Variants in GRIP2 observed in about 807,000 individuals in gnomAD.
GRIP2 encodes glutamate receptor interacting protein 2.
GRIP2 carries 58 observed loss-of-function variants against 108.3 expected under a neutral mutation model. The observed-to-expected ratio is 0.54, with a 90% CI of 0.43 to 0.67. The LOEUF is 0.67. Ranked by LOEUF, GRIP2 falls within the 30% of genes least tolerant of loss-of-function variation. GRIP2 has a pLI of 0.00. For synonymous variants in GRIP2, 586 were observed against 598.2 expected (o/e 0.98, Z 0.30); for missense variants, 1,278 against 1,430.6 (o/e 0.89, Z 1.72).
the GRIP2 span, among the ~76,000 whole-genome samples, chr3:14,579,941 G>A: frequency 2.0e-5 from 3 of 152,204 alleles, no homozygotes; most frequent in Admixed American, 6.5e-5. Flanking sequence ...GGTGCCATAC[G>A]GGGTGGGGTG....
In GRIP2 at chr3:14,512,741, G is replaced by A. The variant is rs376938465; in HGVS notation, c.1720+36C>T. The A allele has an allele frequency of 3.4e-4, 547 of 1,589,652 alleles. 2 individuals carry two copies. The highest frequency in any genetic ancestry group is 6.2e-4 in the South Asian group (56 of 90,412). ...CTCTTTTTCCCCAGCAGTTGAGCTC[G>A]CTCCCAGGGGCAAACAGCAGCGGGA... On this transcript the variant is annotated intron_variant, in intron 14 of 23. Transcript: ENST00000621039. The surrounding 1 kb of genome is among the most constrained non-coding windows in gnomAD (Gnocchi z 5.1).
chr3:14,515,876 C>T (rs1242674229), intron 11 of GRIP2, among the ~76,000 whole-genome samples: 1 of 151,946 alleles, frequency 6.6e-6, no homozygotes, highest in African/African-American at 2.4e-5. Context: ...AGTGATCTGC[C>T]CACCTCGGCC....
At chr3:14,579,139 G>A in the GRIP2 span, among the ~76,000 whole-genome samples, 8 of 152,110 alleles carry the variant, frequency 5.3e-5, no homozygotes, top group Non-Finnish European at 1.0e-4. Context: ...GCACTGACAC[G>A]TGCAACTACA....
intron 11 of GRIP2, 110 bp from the exon 12 acceptor site, chr3:14,514,588 G>A (rs1452047322): frequency 2.6e-6 from 3 of 1,143,046 alleles, no homozygotes; most frequent in South Asian, 1.6e-5. Context: ...GCAAGGAAGT[G>A]GGAGCCCTGA....
Position 14,504,616 on chromosome 3 carries a change from T to A in GRIP2, c.2574-945A>T, listed in dbSNP as rs1051224716. ...TGAGCCACTGCACCCTGCCAGCACT[T>A]GCTCTTTTACAGGGGCACGCAAGCT... On this transcript the variant is annotated intron_variant, in intron 20 of 23. Coordinates refer to ENST00000621039, the MANE Select transcript of GRIP2 (RefSeq NM_001080423.4). Among the ~76,000 whole-genome samples, 5 of 152,184 alleles carry A rather than the reference T, an allele frequency of 3.3e-5. No individual in the cohort carries two copies. The East Asian group carries it at 7.7e-4, about 23-fold the overall frequency.
the GRIP2 span, among the ~76,000 whole-genome samples, chr3:14,597,175 T>TA: frequency 2.6e-5 from 4 of 152,242 alleles, no homozygotes; most frequent in Non-Finnish European, 4.4e-5. Context: ...CCTGAGACCT[T>TA]ACTGTAAGTA....
At chr3:14,578,071 G>A in the GRIP2 span, among the ~76,000 whole-genome samples, 7 of 152,346 alleles carry the variant, frequency 4.6e-5, 1 homozygote, top group African/African-American at 9.6e-5. Flanking sequence ...GCAGACTCTC[G>A]TTGCCCTTCT....
chr3:14,523,097 G>A, intron 5 of GRIP2, 22 bp from the exon 6 acceptor site: 1 of 1,573,100 alleles, frequency 6.4e-7, no homozygotes, highest in Non-Finnish European at 8.7e-7. Context: ...TTGACAAGAA[G>A]CAGGAATCAT....
upstream of GRIP2, among the ~76,000 whole-genome samples, chr3:14,560,627 G>C (rs909714589): frequency 6.6e-6 from 1 of 152,224 alleles, no homozygotes; most frequent in African/African-American, 2.4e-5. Flanking sequence ...TGTCAGTCAG[G>C]CTGCTGGCGG....
At chr3:14,527,043 CG>C (rs1306679300) in intron 1 of GRIP2, among the ~76,000 whole-genome samples, 1 of 152,018 alleles carries the variant, frequency 6.6e-6, no homozygotes, top group African/African-American at 2.4e-5. Flanking sequence ...AAAAATTGGC[CG>C]GGCATGGTGG....
Position 14,503,929 on chromosome 3 carries a change from G to C in GRIP2, c.2574-258C>G, listed in dbSNP as rs527521773. 32 of 506,198 alleles carry C rather than the reference G, an allele frequency of 6.3e-5. No individual in the cohort carries two copies. In the Middle Eastern group the frequency reaches 1.6e-3, roughly 25 times the overall value. The allele number at this position is 506,198 out of a possible 1,614,324, so 31.4% of individuals were successfully genotyped here. A position where few individuals can be genotyped will look rare whatever the true frequency, so the allele number is the denominator to read the frequency against. On this transcript the variant is annotated intron_variant, in intron 20 of 23. Transcript: ENST00000621039. ...GTTAGAACAGGGGCAGATGAGACGG[G>C]GTGGAGAGCGGTGACACAGGATGCC...
the GRIP2 span, among the ~76,000 whole-genome samples, chr3:14,586,438 C>T: frequency 6.6e-6 from 1 of 152,208 alleles, no homozygotes; most frequent in African/African-American, 2.4e-5. Context: ...GGGCTGGGTG[C>T]CAGGGCCAGG....
chr3:14,564,346 C>T, the GRIP2 span, among the ~76,000 whole-genome samples: 46 of 152,326 alleles, frequency 3.0e-4, no homozygotes, highest in Non-Finnish European at 5.1e-4. Context: ...TCGTGTGCCA[C>T]GGGGCAGCAG....
chr3:14,507,645 T>C lies in GRIP2; in HGVS notation c.2134A>G (p.Lys712Glu), dbSNP rs1433696131. ...ATGGCCTCGCTCAGCGGCCGGCCCTTGAGGCTAACGTTGTTGATGGCCAGA... is the reference window on the plus strand; with the variant it reads ...ATGGCCTCGCTCAGCGGCCGGCCCTCGAGGCTAACGTTGTTGATGGCCAGA... ...RILAINNVSL[K>E]GRPLSEAIHL... Residue 712 changes from lysine to glutamate, a missense_variant, in exon 18 of 24, where the codon AAG (lysine) becomes GAG (glutamate). Lys to Glu is a moderately conservative substitution (Grantham distance 56, BLOSUM62 1). Transcript: ENST00000621039. This position sits in a 1 kb window ranked among gnomAD's most constrained non-coding sequence, Gnocchi z 4.6. The C allele has an allele frequency of 1.9e-6, 3 of 1,613,852 alleles. No homozygotes were observed. Among genetic ancestry groups the C allele is most frequent in the Non-Finnish European group, 2.5e-6 (3 of 1,179,880 alleles).
chr3:14,592,285 C>T, the GRIP2 span, among the ~76,000 whole-genome samples: 1 of 152,174 alleles, frequency 6.6e-6, no homozygotes, highest in Admixed American at 6.5e-5. Context: ...GCTGATGATC[C>T]ATGGGGCCTT....
chr3:14,590,804 A>C, the GRIP2 span, among the ~76,000 whole-genome samples: 2 of 152,348 alleles, frequency 1.3e-5, no homozygotes, highest in East Asian at 3.9e-4. Context: ...CTGGGTGGAG[A>C]GTACCACAAT....
At chr3:14,602,474 G>A in the GRIP2 span, among the ~76,000 whole-genome samples, 7 of 151,906 alleles carry the variant, frequency 4.6e-5, no homozygotes, top group Non-Finnish European at 8.8e-5. The surrounding 1 kb of genome is among the most constrained non-coding windows in gnomAD (Gnocchi z 4.7). Context: ...GGGGCCAAAG[G>A]ACCCCCACCG....
At chr3:14,580,618 A>C in the GRIP2 span, among the ~76,000 whole-genome samples, 2 of 152,204 alleles carry the variant, frequency 1.3e-5, no homozygotes. Flanking sequence ...ACTTGAGCCC[A>C]GTAGTTTGAG....
chr3:14,521,549 C>A lies in GRIP2; in HGVS notation c.712+93G>T. 7.3e-7 allele frequency: 1 copy of A among 1,361,140 alleles called. No homozygotes were observed. The highest frequency in any genetic ancestry group is 1.5e-5 in the South Asian group (1 of 68,274). The allele number at this position is 1,361,140 out of a possible 1,614,324, so 84.3% of individuals were successfully genotyped here. On this transcript the variant is annotated intron_variant, in intron 7 of 23. Transcript: ENST00000621039. The surrounding 1 kb of genome is among the most constrained non-coding windows in gnomAD (Gnocchi z 5.1). ...GGCCCAAGGTCATAAGGTCATGCAGCCTTTGCAGTGGTAAAGATCCATGGC... is the reference window on the plus strand; with the variant it reads ...GGCCCAAGGTCATAAGGTCATGCAGACTTTGCAGTGGTAAAGATCCATGGC...
Sources: gnomAD v4.1 joint callset for allele counts (sites outside exome capture counted in the v4.1 genomes callset) on GRCh38, gnomAD v4.1.1 for gene constraint, Gnocchi (gnomAD v3.1) non-coding constraint, MANE v1.5 for transcripts, NCBI Gene and HGNC (gene_info 2026-07-23, HGNC 2026-07-21) for gene names.